The following ZNF280B variants were observed in gnomAD, a reference collection of about 807,000 sequenced individuals.
The protein encoded by ZNF280B is zinc finger protein 280B.
A neutral mutation model predicts 38.0 loss-of-function variants in ZNF280B; 16 were observed. The ratio of observed to expected loss-of-function variants is 0.42; its 90% CI spans 0.28 to 0.64. The LOEUF (loss-of-function observed/expected upper bound fraction) is 0.64, where lower values mean the gene tolerates loss of function less well. Ranked by LOEUF, ZNF280B falls within the 30% of genes least tolerant of loss-of-function variation. ZNF280B has a pLI of 0.21. For synonymous variants in ZNF280B, 253 were observed against 230.6 expected, an observed-to-expected ratio of 1.10 and a Z score of -0.88; for missense variants, 581 against 639.6, an observed-to-expected ratio of 0.91 and a Z score of 0.99.
At chr22:22,494,401 G>C (rs1017899208) in intron 2 of ZNF280B, among the ~76,000 whole-genome samples, 1 of 151,896 alleles carries the variant, frequency 6.6e-6, no homozygotes, top group African/African-American at 2.4e-5. Context: ...ATAAGTTAAT[G>C]AACAAGTTCA....
intron 2 of ZNF280B, among the ~76,000 whole-genome samples, chr22:22,498,512 T>C (rs1057014585): frequency 1.3e-5 from 2 of 151,834 alleles, no homozygotes; most frequent in Middle Eastern, 3.3e-3. Flanking sequence ...CAGGAACTAA[T>C]GAACTGACTC....
At chr22:22,498,671 C>T (rs543935786) in intron 2 of ZNF280B, among the ~76,000 whole-genome samples, 1 of 151,514 alleles carries the variant, frequency 6.6e-6, no homozygotes, top group Non-Finnish European at 1.5e-5. Context: ...TTCATTAACT[C>T]TTCCAAAAAT....
chr22:22,489,093 C>T lies in ZNF280B; in HGVS notation c.306G>A (p.Leu102=), dbSNP rs2061543716. The T allele has an allele frequency of 6.2e-7, 1 of 1,613,852 alleles. No individual in the cohort carries two copies. Among genetic ancestry groups the T allele is most frequent in the Non-Finnish European group, 8.5e-7 (1 of 1,179,964 alleles). The change falls in exon 4 of 4, where the codon CTG becomes CTA. Residue 102 remains leucine (L), a synonymous_variant. Transcript: ENST00000626650. ...ETVTSEAVTV[L]PASQLESRST... ...ATCTCGATTCAAGTTGGGAAGCTGGCAGGACGGTCACTGCTTCTGATGTAA... is the reference window on the plus strand; with the variant it reads ...ATCTCGATTCAAGTTGGGAAGCTGGTAGGACGGTCACTGCTTCTGATGTAA...
Position 22,488,742 on chromosome 22 carries a change from T to C in ZNF280B, c.657A>G (p.Ser219=), listed in dbSNP as rs750923838. ...GGCTTAATGAGGTATGAACATTATT[T>C]GAGGGTGTACTTTGCTGAGTATTCA... is the stretch of plus-strand genomic sequence containing the variant. The part of the protein sequence containing the change: ...HTMNTQQSTP[S]NNVHTSLSHV... The change falls in exon 4 of 4, where the codon TCA becomes TCG. Residue 219 remains serine (S), a synonymous_variant. Coordinates refer to ENST00000626650, the MANE Select transcript of ZNF280B (RefSeq NM_080764.4). 6.2e-7 allele frequency: 1 copy of C among 1,613,896 alleles called. No homozygotes were observed. The highest frequency in any genetic ancestry group is 2.2e-5 in the East Asian group (1 of 44,780).
chr22:22,487,516 T>TCACA lies in ZNF280B; in HGVS notation c.*247_*250dup. On this transcript the variant is annotated 3_prime_UTR_variant, in exon 4 of 4. Transcript: ENST00000626650. ...ATAAATTAATACCTTTTTCTCTCTC[T>TCACA]CACACACACACACAAACACCTTTTA... 3.2e-6 allele frequency: 1 copy of TCACA among 317,250 alleles called. No homozygotes were observed. The highest frequency in any genetic ancestry group is 5.6e-6 in the Non-Finnish European group (1 of 177,410). The allele number at this position is 317,250 out of a possible 1,614,324, so 19.7% of individuals were successfully genotyped here. A position where few individuals can be genotyped will look rare whatever the true frequency, so the allele number is the denominator to read the frequency against.
At position 22,487,694 on chromosome 22, in the gene ZNF280B, G is replaced by T; in HGVS notation, c.*73C>A. 7.6e-7 allele frequency: 1 copy of T among 1,320,642 alleles called. No homozygotes were observed. Among genetic ancestry groups the T allele is most frequent in the East Asian group, 2.3e-5 (1 of 43,160 alleles). The allele number at this position is 1,320,642 out of a possible 1,614,324, so 81.8% of individuals were successfully genotyped here. On this transcript the variant is annotated 3_prime_UTR_variant, in exon 4 of 4. Transcript: ENST00000626650. ...TTTTGGTGCTACTGAATAATGTATG[G>T]TTTGTATTTTTTGTTTTATGAGGTT...
At chr22:22,503,319 T>TAA (rs1414536065) in intron 2 of ZNF280B, among the ~76,000 whole-genome samples, 1 of 152,002 alleles carries the variant, frequency 6.6e-6, no homozygotes, top group African/African-American at 2.4e-5. Flanking sequence ...GGTTGTACAA[T>TAA]TTTGTAAGTA....
chr22:22,494,243 C>T (rs1054982088), intron 2 of ZNF280B, 63 bp from the exon 3 acceptor site: 5 of 151,830 alleles, frequency 3.3e-5, no homozygotes, highest in African/African-American at 1.2e-4. Context: ...AGAAGAAAAA[C>T]TTAAACTGGG....
At chr22:22,497,231 A>C (rs2061718354) in intron 2 of ZNF280B, among the ~76,000 whole-genome samples, 2 of 136,014 alleles carry the variant, frequency 1.5e-5, no homozygotes, top group Non-Finnish European at 3.1e-5. Flanking sequence ...AAAAAAAAAA[A>C]AAAAAAAAAA....
intron 2 of ZNF280B, among the ~76,000 whole-genome samples, chr22:22,501,785 G>A (rs1255418995): frequency 6.6e-6 from 1 of 151,736 alleles, no homozygotes; most frequent in African/African-American, 2.4e-5. Context: ...TGAGGCAGGA[G>A]GACTTAGTCA....
chr22:22,504,445 C>G (rs1350795828), intron 2 of ZNF280B, among the ~76,000 whole-genome samples: 1 of 138,664 alleles, frequency 7.2e-6, no homozygotes, highest in African/African-American at 2.7e-5. Flanking sequence ...AAAAAACAAA[C>G]AAACAACTTG....
chr22:22,492,105 G>T (rs1423324072), intron 3 of ZNF280B, among the ~76,000 whole-genome samples: 1 of 151,850 alleles, frequency 6.6e-6, no homozygotes, highest in East Asian at 2.0e-4. Flanking sequence ...CCTTGGAAGT[G>T]AATTTAAAAA....
At position 22,489,231 on chromosome 22, in the gene ZNF280B, G is replaced by A. The variant is rs554824293; in HGVS notation, c.168C>T (p.Val56=). The part of the protein sequence containing the change: ...FVGVTSNSKP[V]VSNILNRVTP... ...TGACTCTGTTCAAAATGTTTGAAAC[G>A]ACTGGTTTTGAATTTGAAGTCACCC... Residue 56 remains valine, a synonymous_variant, in exon 4 of 4, where the codon GTC becomes GTT. Transcript: ENST00000626650. 7.4e-6 allele frequency: 12 copies of A among 1,613,752 alleles called. No homozygotes were observed. Among genetic ancestry groups the A allele is most frequent in the African/African-American group, 6.7e-5 (5 of 74,922 alleles).
chr22:22,509,038 G>C (rs2061999419), upstream of ZNF280B: 1 of 155,012 alleles, frequency 6.5e-6, no homozygotes, highest in South Asian at 2.0e-4. Flanking sequence ...TTCCAGAGCT[G>C]AGGAGCATCC....
chr22:22,500,633 A>G (rs1229231413), intron 2 of ZNF280B, among the ~76,000 whole-genome samples: 1 of 151,900 alleles, frequency 6.6e-6, no homozygotes, highest in Non-Finnish European at 1.5e-5. Context: ...AGGTGGGCAG[A>G]TCATCTGAGG....
chr22:22,488,815 A>C lies in ZNF280B; in HGVS notation c.584T>G (p.Ile195Arg). The C allele has an allele frequency of 6.2e-7, 1 of 1,613,868 alleles. No individual in the cohort carries two copies. The highest frequency in any genetic ancestry group is 8.5e-7 in the Non-Finnish European group (1 of 1,179,966). The stretch of plus-strand genomic sequence containing the variant: ...GAATGAAGCTGAAGAATTTCCTTCT[A>C]TAATTCCATCCCTGAGTTTAGCCCT... ...PKRAKLRDGI[I>R]EGNSSASFPS... Residue 195 changes from isoleucine to arginine, a missense_variant, in exon 4 of 4, where the codon ATA becomes AGA. Transcript: ENST00000626650.
intron 2 of ZNF280B, among the ~76,000 whole-genome samples, chr22:22,499,645 T>C (rs1457297268): frequency 1.3e-5 from 2 of 151,996 alleles, no homozygotes; most frequent in Non-Finnish European, 2.9e-5. Context: ...CCTTTTATGA[T>C]TTGAAACAAC....
At position 22,489,123 on chromosome 22, in the gene ZNF280B, C is replaced by G. The variant is rs558630494; in HGVS notation, c.276G>C (p.Glu92Asp). The change falls in exon 4 of 4, where the codon GAG becomes GAC. Residue 92 changes from glutamate (E) to aspartate (D), a missense_variant. Transcript: ENST00000626650. ...TARKLQPKSH[E>D]TVTSEAVTVL... ...CGGTCACTGCTTCTGATGTAACGGT[C>G]TCATGACTTTTAGGCTGCAATTTGC... The G allele has an allele frequency of 6.2e-7, 1 of 1,613,866 alleles. No individual in the cohort carries two copies. Among genetic ancestry groups the G allele is most frequent in the Non-Finnish European group, 8.5e-7 (1 of 1,179,958 alleles).
chr22:22,497,258 C>G (rs2061719952), intron 2 of ZNF280B, among the ~76,000 whole-genome samples: 2 of 116,794 alleles, frequency 1.7e-5, no homozygotes, highest in African/African-American at 6.4e-5. Context: ...AGGCCAGGCA[C>G]AGTGGCTCAC....
Sources: gnomAD v4.1 joint callset for allele counts (sites outside exome capture counted in the v4.1 genomes callset) on GRCh38, gnomAD v4.1.1 for gene constraint, MANE v1.5 for transcripts, NCBI Gene and HGNC (gene_info 2026-07-23, HGNC 2026-07-21) for gene names.